Variants in ACADM observed in about 807,000 individuals in gnomAD.
ACADM encodes medium-chain specific acyl-CoA dehydrogenase, mitochondrial.
ACADM carries 49 observed loss-of-function variants against 58.9 expected under a neutral mutation model. The ratio of observed to expected loss-of-function variants is 0.83; its 90% CI spans 0.66 to 1.06. The LOEUF is 1.06. ACADM is among the 50% of genes least tolerant of loss of function. ACADM has a pLI of 0.00. For synonymous variants in ACADM, 160 were observed against 157.7 expected, an observed-to-expected ratio of 1.01 and a Z score of -0.11; for missense variants, 496 against 507.0, an observed-to-expected ratio of 0.98 and a Z score of 0.21.
Position 75,734,542 on chromosome 1 carries a change from T to C in ACADM, c.388-249T>C, listed in dbSNP as rs1647208188. The C allele has an allele frequency of 6.6e-6, 3 of 451,724 alleles. No homozygotes were observed. In the Admixed American group the frequency reaches 1.0e-4, roughly 16 times the overall value. The allele number at this position is 451,724 out of a possible 1,614,324, so 28.0% of individuals were successfully genotyped here. On this transcript the variant is annotated intron_variant, in intron 5 of 11. Coordinates refer to ENST00000370841, the MANE Select transcript of ACADM (RefSeq NM_000016.6). ...TATTCTAAACATAATTTTTTATTAG[T>C]GCATTTCACTATAGTAGATTTTCAC...
intron 7 of ACADM, chr1:75,743,987 C>A: frequency 6.4e-7 from 1 of 1,565,120 alleles, no homozygotes; most frequent in Non-Finnish European, 8.8e-7. Context: ...TTGTGCCGAG[C>A]CCTCATCTTC....
At chr1:75,746,333 A>C (rs1647899005) in intron 8 of ACADM, among the ~76,000 whole-genome samples, 1 of 152,250 alleles carries the variant, frequency 6.6e-6, no homozygotes, top group Admixed American at 6.5e-5. Context: ...CTGAGATTTT[A>C]CTAGGTCATA....
At chr1:75,744,778 G>C in intron 7 of ACADM, 1 of 640,840 alleles carries the variant, frequency 1.6e-6, no homozygotes, top group Non-Finnish European at 2.8e-6. Context: ...ACAGCATCAC[G>C]GCGGCCGGGT....
chr1:75,735,564 T>C (rs1647233813), intron 6 of ACADM, among the ~76,000 whole-genome samples: 1 of 151,904 alleles, frequency 6.6e-6, no homozygotes, highest in African/African-American at 2.4e-5. Flanking sequence ...AGTAAAAAAT[T>C]AATGTTGGCT....
chr1:75,733,668 G>A lies in ACADM; in HGVS notation c.387+40G>A, dbSNP rs187510227. On this transcript the variant is annotated intron_variant, in intron 5 of 11. Coordinates refer to ENST00000370841, the MANE Select transcript of ACADM (RefSeq NM_000016.6). The stretch of plus-strand genomic sequence containing the variant: ...AAATTAACTACCTAACTCAGCTCTT[G>A]TTAATGAGATAGTTACTCCTGAAGA... The A allele has an allele frequency of 3.0e-3, 4,357 of 1,468,482 alleles. 26 individuals carry two copies. Among genetic ancestry groups the A allele is most frequent in the Middle Eastern group, 0.019 (109 of 5,812 alleles). 91.0% of individuals were successfully genotyped at this position (1,468,482 alleles called of 1,614,324 possible).
rs149678400 is a variant in ACADM at position 75,745,889 on chromosome 1, C to T, written c.683C>T (p.Thr228Ile). 5 of 1,612,412 alleles carry T rather than the reference C, an allele frequency of 3.1e-6. No individual in the cohort carries two copies. The highest frequency in any genetic ancestry group is 1.3e-5 in the African/African-American group (1 of 74,854). Residue 228 changes from threonine (T) to isoleucine (I), a missense_variant, in exon 8 of 12, where the codon ACC becomes ATC. Physicochemically the swap from Thr to Ile is moderately conservative, Grantham distance 89 (BLOSUM62 -1). Transcript: ENST00000370841. ...AFTGFIVEAD[T>I]PGIQIGRKEL... is the part of the protein sequence containing the mutation. ...ACTGGATTCATTGTGGAAGCAGATA[C>T]CCCAGGAATTCAGATTGGGAGAAAG... is the stretch of plus-strand genomic sequence containing the variant.
At position 75,737,327 on chromosome 1, in the gene ACADM, T is replaced by TATATATATATGA. The variant is rs1491168235; in HGVS notation, c.468+2456_468+2457insATATATATATGA. On this transcript the variant is annotated intron_variant, in intron 6 of 11. Coordinates refer to ENST00000370841, the MANE Select transcript of ACADM (RefSeq NM_000016.6). Reference sequence around the variant, plus strand: ...ATATATATATATATATATATATATATGAAACCAAAAAGAAGAAAAGAAGAC... The same window carrying TATATATATATGA: ...ATATATATATATATATATATATATATATATATATATGAGAAACCAAAAAGAAGAAAAGAAGAC... Among the ~76,000 whole-genome samples, 22 of 76,662 alleles carry TATATATATATGA rather than the reference T, an allele frequency of 2.9e-4. 1 individual carries two copies. The highest frequency in any genetic ancestry group is 1.2e-3 in the African/African-American group (22 of 18,896). The allele number at this position is 76,662 out of a possible 152,430, so 50.3% of individuals were successfully genotyped here.
At chr1:75,761,070 C>CT in intron 10 of ACADM, 52 bp from the exon 11 acceptor site, 2 of 1,559,192 alleles carry the variant, frequency 1.3e-6, no homozygotes, top group African/African-American at 2.7e-5. Flanking sequence ...CAGGAAAAAA[C>CT]TTTTAAGTTT....
At chr1:75,743,900 G>T in intron 7 of ACADM, 3 of 1,456,176 alleles carry the variant, frequency 2.1e-6, no homozygotes, top group Non-Finnish European at 2.9e-6. Flanking sequence ...GGCTGTTCCT[G>T]CAAGGCAAAG....
intron 7 of ACADM, among the ~76,000 whole-genome samples, chr1:75,742,442 A>G (rs1279985184): frequency 6.6e-6 from 1 of 152,176 alleles, no homozygotes; most frequent in African/African-American, 2.4e-5. Context: ...AGGCCCCACT[A>G]TAACGCAGGA....
intron 7 of ACADM, among the ~76,000 whole-genome samples, chr1:75,745,081 G>GT (rs996551770): frequency 2.0e-5 from 3 of 152,072 alleles, no homozygotes; most frequent in Admixed American, 6.6e-5. Flanking sequence ...TATATACTAT[G>GT]TTTTTTTCCT....
At chr1:75,752,512 C>T (rs1184387670) in intron 10 of ACADM, among the ~76,000 whole-genome samples, 1 of 152,134 alleles carries the variant, frequency 6.6e-6, no homozygotes, top group Non-Finnish European at 1.5e-5. Context: ...ATGTATCTTT[C>T]TACACTATAT....
intron 6 of ACADM, among the ~76,000 whole-genome samples, chr1:75,737,280 A>AT (rs1491309655): frequency 0.033 from 182 of 5,440 alleles, 17 homozygotes; most frequent in African/African-American, 0.097. Context: ...ACACACACAA[A>AT]TATATATATA....
At chr1:75,744,483 T>C (rs150260000) in intron 7 of ACADM, 3 of 1,533,928 alleles carry the variant, frequency 2.0e-6, no homozygotes, top group Non-Finnish European at 2.7e-6. Context: ...CTTCATCTTC[T>C]GCAACTGTGT....
chr1:75,729,703 A>G (rs1647117230), intron 2 of ACADM, among the ~76,000 whole-genome samples: 1 of 151,004 alleles, frequency 6.6e-6, no homozygotes, highest in African/African-American at 2.4e-5. Flanking sequence ...CACGTTGGCC[A>G]GGCTGGTCTC....
At chr1:75,733,678 T>C (rs1418243169) in intron 5 of ACADM, 50 bp downstream of exon 5, 9 of 1,416,366 alleles carry the variant, frequency 6.4e-6, no homozygotes, top group Non-Finnish European at 9.0e-6. Flanking sequence ...GTTAATGAGA[T>C]AGTTACTCCT....
intron 6 of ACADM, among the ~76,000 whole-genome samples, chr1:75,738,214 C>G (rs567560241): frequency 1.7e-3 from 242 of 144,896 alleles, no homozygotes; most frequent in Non-Finnish European, 2.3e-3. Flanking sequence ...CCATGCCCAG[C>G]CAAGTATTGT....
intron 10 of ACADM, among the ~76,000 whole-genome samples, chr1:75,752,452 G>T (rs1345022098): frequency 6.6e-6 from 1 of 152,108 alleles, no homozygotes; most frequent in Non-Finnish European, 1.5e-5. Flanking sequence ...TTGGCACTGT[G>T]GACAAACTTG....
intron 2 of ACADM, 135 bp downstream of exon 2, chr1:75,728,623 T>C: frequency 1.5e-6 from 1 of 646,538 alleles, no homozygotes. Context: ...CACAGATAAT[T>C]TACAATAACT....
Sources: allele counts gnomAD v4.1 joint callset (sites outside exome capture counted in the v4.1 genomes callset), GRCh38; gene constraint gnomAD v4.1.1; transcripts MANE v1.5; gene names NCBI Gene and HGNC (gene_info 2026-07-23, HGNC 2026-07-21).